The following MEIS2 variants were observed in gnomAD, a reference collection of about 807,000 sequenced individuals.
The protein encoded by MEIS2 is homeobox protein Meis2.
MEIS2 carries 9 observed loss-of-function variants against 58.6 expected under a neutral mutation model. The ratio of observed to expected loss-of-function variants is 0.15; its 90% confidence interval spans 0.09 to 0.27. The LOEUF (loss-of-function observed/expected upper bound fraction) is 0.27, where lower values mean the gene tolerates loss of function less well. MEIS2 is among the 10% of genes least tolerant of loss of function. The probability of loss-of-function intolerance (pLI) is 1.00; values close to 1 mark genes in which losing one functional copy is unlikely to be tolerated. For synonymous variants in MEIS2, 221 were observed against 228.4 expected (o/e 0.97, Z 0.29); for missense variants, 427 against 635.0 (o/e 0.67, Z 3.52).
intron 9 of MEIS2, among the ~76,000 whole-genome samples, chr15:36,907,471 G>A (rs2056797126): frequency 6.6e-6 from 1 of 152,108 alleles, no homozygotes; most frequent in African/African-American, 2.4e-5. Context: ...ATTTGTCTGG[G>A]GATCTCTTTT....
chr15:37,010,389 T>C (rs1027326710), intron 8 of MEIS2, among the ~76,000 whole-genome samples: 2 of 151,768 alleles, frequency 1.3e-5, no homozygotes, highest in Non-Finnish European at 2.9e-5. Flanking sequence ...GCCCGGCCTA[T>C]TTCTTTGTTT....
chr15:37,097,792 C>T (rs1894468305), intron 2 of MEIS2, among the ~76,000 whole-genome samples, 175 bp downstream of exon 2: 1 of 152,136 alleles, frequency 6.6e-6, no homozygotes, highest in South Asian at 2.1e-4. Context: ...GGGGCTTTGA[C>T]TCCAGGGGCA....
chr15:36,983,040 C>T (rs778596185), intron 8 of MEIS2, among the ~76,000 whole-genome samples: 3 of 152,030 alleles, frequency 2.0e-5, no homozygotes, highest in Non-Finnish European at 2.9e-5. Flanking sequence ...TTAAACACTT[C>T]GGATATTATC....
chr15:37,072,096 A>G (rs1890783129), intron 7 of MEIS2, among the ~76,000 whole-genome samples: 1 of 152,110 alleles, frequency 6.6e-6, no homozygotes, highest in Non-Finnish European at 1.5e-5. Flanking sequence ...ACTTTCATTC[A>G]ACACGCACCC....
chr15:37,078,609 A>AAAAAAAAAAAAAAAAAAAAAAC (rs1891763018), intron 7 of MEIS2, among the ~76,000 whole-genome samples: 1 of 3,022 alleles, frequency 3.3e-4, no homozygotes, highest in Non-Finnish European at 1.4e-3. Context: ...AACAACCAAA[A>AAAAAAAAAAAAAAAAAAAAAAC]AAAAAAAAAA....
intron 9 of MEIS2, among the ~76,000 whole-genome samples, chr15:36,932,196 A>G (rs577973463): frequency 2.6e-5 from 4 of 152,168 alleles, no homozygotes; most frequent in Non-Finnish European, 4.4e-5. Context: ...GCTAAAATTG[A>G]TGTGCTGTTG....
intron 8 of MEIS2, among the ~76,000 whole-genome samples, chr15:36,951,119 A>G (rs2058736136): frequency 6.6e-6 from 1 of 152,142 alleles, no homozygotes; most frequent in African/African-American, 2.4e-5. Flanking sequence ...GAATGAAGCC[A>G]TAGGTTTTGG....
intron 8 of MEIS2, among the ~76,000 whole-genome samples, chr15:37,033,512 T>G (rs1033360303): frequency 1.3e-4 from 20 of 152,286 alleles, no homozygotes; most frequent in South Asian, 1.0e-3. Context: ...CAGGTCACAC[T>G]GCACAAAAGG....
Position 37,054,410 on chromosome 15 carries a change from GTGTTTTGTTT to G in MEIS2, c.755-17461_755-17452del, listed in dbSNP as rs140035470. ...GGGGAGACTTTGCATGTTTTTAATT[GTGTTTTGTTT>G]TGTTTTGTTTTGTTTTTTGAGACAG... On this transcript the variant is annotated intron_variant, in intron 7 of 11. Transcript: ENST00000561208. Among the ~76,000 whole-genome samples the G allele has an allele frequency of 1.7e-4, 26 of 152,144 alleles. No individual in the cohort carries two copies. The East Asian group carries it at 2.7e-3, about 16-fold the overall frequency.
chr15:37,027,058 T>C (rs193042053), intron 8 of MEIS2, among the ~76,000 whole-genome samples: 1 of 152,316 alleles, frequency 6.6e-6, no homozygotes, highest in African/African-American at 2.4e-5. Flanking sequence ...TGTAAACAAC[T>C]GCTGCCAATC....
chr15:36,913,434 A>G (rs1410064435), intron 9 of MEIS2, among the ~76,000 whole-genome samples: 1 of 152,192 alleles, frequency 6.6e-6, no homozygotes, highest in East Asian at 1.9e-4. Flanking sequence ...TTCCACTTCA[A>G]TTAATAGCCA....
At chr15:36,904,084 T>C (rs2056605742) in intron 9 of MEIS2, 1 of 152,128 alleles carries the variant, frequency 6.6e-6, no homozygotes, top group Non-Finnish European at 1.5e-5. Context: ...GGAGCAAAAA[T>C]GTCACTCCTT....
intron 3 of MEIS2, chr15:37,095,859 C>G: frequency 1.8e-6 from 1 of 567,058 alleles, no homozygotes; most frequent in African/African-American, 1.9e-5. Context: ...GGGTCGTTCT[C>G]AGGGCCTCGA....
At chr15:36,985,909 A>G (rs986392946) in intron 8 of MEIS2, among the ~76,000 whole-genome samples, 1 of 152,152 alleles carries the variant, frequency 6.6e-6, no homozygotes, top group Non-Finnish European at 1.5e-5. Flanking sequence ...TAATTCTTTT[A>G]TTCAATAAAG....
chr15:36,911,108 T>C (rs2056998892), intron 9 of MEIS2, among the ~76,000 whole-genome samples: 1 of 151,898 alleles, frequency 6.6e-6, no homozygotes, highest in Non-Finnish European at 1.5e-5. Context: ...GGGAATTATA[T>C]TAGGCTTAAA....
At chr15:36,993,197 T>G (rs1294611207) in intron 8 of MEIS2, among the ~76,000 whole-genome samples, 1 of 152,158 alleles carries the variant, frequency 6.6e-6, no homozygotes, top group Non-Finnish European at 1.5e-5. Flanking sequence ...TCCTTTCATA[T>G]GATTGGAAAG....
chr15:37,092,360 A>G (rs1235795334), intron 6 of MEIS2, among the ~76,000 whole-genome samples: 1 of 152,166 alleles, frequency 6.6e-6, no homozygotes, highest in African/African-American at 2.4e-5. Flanking sequence ...GAAGGTTTAT[A>G]CTAAGGCATC....
intron 9 of MEIS2, among the ~76,000 whole-genome samples, chr15:36,942,461 TAAC>T (rs1487562773): frequency 6.6e-6 from 1 of 152,174 alleles, no homozygotes; most frequent in African/African-American, 2.4e-5. Flanking sequence ...AAGCGCCACC[TAAC>T]CGATGCTCAC....
At chr15:36,935,545 T>C (rs1002169757) in intron 9 of MEIS2, among the ~76,000 whole-genome samples, 1 of 152,162 alleles carries the variant, frequency 6.6e-6, no homozygotes, top group African/African-American at 2.4e-5. Context: ...GAGCTTTAAC[T>C]TTTCTTAAAA....
Sources: gnomAD v4.1 joint callset for allele counts (sites outside exome capture counted in the v4.1 genomes callset) on GRCh38, gnomAD v4.1.1 for gene constraint, MANE v1.5 for transcripts, NCBI Gene and HGNC (gene_info 2026-07-23, HGNC 2026-07-21) for gene names.